Variants in PLEKHH2 observed in about 807,000 individuals in gnomAD.
The protein encoded by PLEKHH2 is pleckstrin homology domain-containing family H member 2.
A neutral mutation model predicts 187.9 loss-of-function variants in PLEKHH2; 129 were observed. The observed-to-expected ratio is 0.69, with a 90% CI of 0.59 to 0.79. The LOEUF (loss-of-function observed/expected upper bound fraction) is 0.79, where lower values mean the gene tolerates loss of function less well. Ranked by LOEUF, PLEKHH2 falls within the 30% of genes least tolerant of loss-of-function variation. PLEKHH2 has a pLI of 0.00. For synonymous variants in PLEKHH2, 686 were observed against 605.6 expected, an observed-to-expected ratio of 1.13 and a Z score of -1.95; for missense variants, 2,076 against 1,751.2, an observed-to-expected ratio of 1.19 and a Z score of -3.31.
intron 15 of PLEKHH2, among the ~76,000 whole-genome samples, chr2:43,713,424 A>C (rs1229536638): frequency 6.6e-6 from 1 of 152,184 alleles, no homozygotes; most frequent in Non-Finnish European, 1.5e-5. Context: ...ATGTAGGGTA[A>C]GGTATAGCTT....
chr2:43,705,162 C>G (rs2104501691), intron 9 of PLEKHH2, among the ~76,000 whole-genome samples: 1 of 152,174 alleles, frequency 6.6e-6, no homozygotes, highest in Non-Finnish European at 1.5e-5. Context: ...TCCTCCCTAT[C>G]CCACCACTAA....
chr2:43,724,416 A>T (rs1364532562), intron 16 of PLEKHH2, among the ~76,000 whole-genome samples: 1 of 152,236 alleles, frequency 6.6e-6, no homozygotes, highest in Non-Finnish European at 1.5e-5. Flanking sequence ...AGAAGTTATA[A>T]ATCTGATGCA....
At chr2:43,718,889 T>G (rs1481320091) in intron 15 of PLEKHH2, among the ~76,000 whole-genome samples, 4 of 152,202 alleles carry the variant, frequency 2.6e-5, no homozygotes, top group Non-Finnish European at 5.9e-5. Context: ...TCAAACAGCA[T>G]TCTAAATCCA....
intron 2 of PLEKHH2, among the ~76,000 whole-genome samples, chr2:43,648,292 G>A (rs571792666): frequency 1.3e-5 from 2 of 152,050 alleles, no homozygotes; most frequent in East Asian, 3.9e-4. Context: ...AGGTTCAAGC[G>A]ATTCTTCTGC....
In PLEKHH2 at chr2:43,711,327, G is replaced by A. The variant is rs897404520; in HGVS notation, c.2301+752G>A. On this transcript the variant is annotated intron_variant, in intron 14 of 29. Transcript: ENST00000282406. ...TCAAAAATTTAGAAAGGAGAATCAA[G>A]GAAAGCTTTGTCTTTGGGCATGGCA... 1.8e-5 allele frequency: 18 copies of A among 985,382 alleles called. No homozygotes were observed. The South Asian group carries it at 7.5e-4, about 41-fold the overall frequency. The allele number at this position is 985,382 out of a possible 1,614,324, so 61.0% of individuals were successfully genotyped here. A position where few individuals can be genotyped will look rare whatever the true frequency, so the allele number is the denominator to read the frequency against.
At chr2:43,672,177 CATA>C (rs1667526492) in intron 2 of PLEKHH2, among the ~76,000 whole-genome samples, 1 of 152,134 alleles carries the variant, frequency 6.6e-6, no homozygotes, top group South Asian at 2.1e-4. Context: ...TGAAGTATTT[CATA>C]ATATTGTTAT....
chr2:43,713,617 A>G (rs1670070607), intron 15 of PLEKHH2, among the ~76,000 whole-genome samples: 1 of 150,590 alleles, frequency 6.6e-6, no homozygotes, highest in Admixed American at 6.6e-5. Flanking sequence ...ATACCAAAGT[A>G]TATTGGTTAT....
chr2:43,721,088 G>A (rs541939587), intron 16 of PLEKHH2, among the ~76,000 whole-genome samples: 2 of 152,184 alleles, frequency 1.3e-5, no homozygotes, highest in African/African-American at 4.8e-5. Context: ...CAGCAAGTTA[G>A]GAAAGAAAAC....
In PLEKHH2 at chr2:43,692,757, G is replaced by A. The variant is rs1572565859; in HGVS notation, c.336+94G>A. 1.9e-5 allele frequency: 26 copies of A among 1,354,652 alleles called. No individual in the cohort carries two copies. In the East Asian group the frequency reaches 5.9e-4, roughly 31 times the overall value. 83.9% of individuals were successfully genotyped at this position (1,354,652 alleles called of 1,614,324 possible). A position where few individuals can be genotyped will look rare whatever the true frequency, so the allele number is the denominator to read the frequency against. ...AGAGAGAGCCTAAATTTCTATATTTGGGGAGAAATATTGCTTATTCGGTCA... is the reference window on the plus strand; with the variant it reads ...AGAGAGAGCCTAAATTTCTATATTTAGGGAGAAATATTGCTTATTCGGTCA... On this transcript the variant is annotated intron_variant, in intron 4 of 29. Transcript: ENST00000282406.
At chr2:43,746,095 C>T (rs1470861215) in intron 24 of PLEKHH2, 132 bp downstream of exon 24, 3 of 530,392 alleles carry the variant, frequency 5.7e-6, no homozygotes, top group Middle Eastern at 3.4e-4. Context: ...TAAATGATAA[C>T]TCTGTTTCTA....
At chr2:43,646,836 CTG>C (rs1416732932) in intron 2 of PLEKHH2, among the ~76,000 whole-genome samples, 4 of 126,852 alleles carry the variant, frequency 3.2e-5, no homozygotes, top group Non-Finnish European at 6.7e-5. Context: ...TTTTTTTGGT[CTG>C]TATTTCGTAT....
At chr2:43,726,508 T>C in intron 17 of PLEKHH2, 57 bp downstream of exon 17, 1 of 1,434,846 alleles carries the variant, frequency 7.0e-7, no homozygotes, top group Non-Finnish European at 9.6e-7. Flanking sequence ...TATTCAGATA[T>C]TGGTAATAAT....
intron 14 of PLEKHH2, chr2:43,711,958 C>G: frequency 8.9e-7 from 1 of 1,126,084 alleles, no homozygotes; most frequent in Non-Finnish European, 1.1e-6. Context: ...GAAAATGTGA[C>G]AAATAAACAA....
intron 28 of PLEKHH2, among the ~76,000 whole-genome samples, chr2:43,763,046 C>A: frequency 6.6e-6 from 1 of 152,104 alleles, no homozygotes; most frequent in East Asian, 1.9e-4. Context: ...CCAAACTATT[C>A]TTTTGTGTTA....
Position 43,700,612 on chromosome 2 carries a change from A to G in PLEKHH2, c.1650+4A>G, listed in dbSNP as rs1166440951. Reference sequence around the variant, plus strand: ...CCTGCACCGTTTTCCTTCTTGGGTAATTATATCACCGCATGTAACACATAC... The same window carrying G: ...CCTGCACCGTTTTCCTTCTTGGGTAGTTATATCACCGCATGTAACACATAC... On this transcript the variant is annotated splice_donor_region_variant and intron_variant, in intron 8 of 29. Coordinates refer to ENST00000282406, the MANE Select transcript of PLEKHH2 (RefSeq NM_172069.4). The G allele has an allele frequency of 6.2e-7, 1 of 1,601,330 alleles. No homozygotes were observed. Among genetic ancestry groups the G allele is most frequent in the African/African-American group, 1.3e-5 (1 of 74,650 alleles).
At position 43,729,677 on chromosome 2, in the gene PLEKHH2, A is replaced by G. The variant is rs965053064; in HGVS notation, c.2762A>G (p.Asn921Ser). Residue 921 changes from asparagine to serine, a missense_variant, in exon 18 of 30, where the codon AAC becomes AGC. By Grantham distance (46) the Asn-to-Ser change is conservative. Coordinates refer to ENST00000282406, the MANE Select transcript of PLEKHH2 (RefSeq NM_172069.4). ...LYHLTVAAGS[N>S]NVNVGSEFEQ... ...CATCTGACTGTTGCAGCTGGAAGCA[A>G]CAATGTAAACGTTGGATCTGAATTT... 15 of 1,609,542 alleles carry G rather than the reference A, an allele frequency of 9.3e-6. No individual in the cohort carries two copies. Among genetic ancestry groups the G allele is most frequent in the African/African-American group, 1.3e-5 (1 of 74,732 alleles).
rs914963966 is a variant in PLEKHH2 at position 43,678,675 on chromosome 2, G to C, written c.124-188G>C. Among the ~76,000 whole-genome samples the C allele has an allele frequency of 3.9e-5, 6 of 151,910 alleles. No homozygotes were observed. The South Asian group carries it at 8.3e-4, about 21-fold the overall frequency. On this transcript the variant is annotated intron_variant, in intron 2 of 29. Transcript: ENST00000282406. ...GATGGCAGCAGTACAGTCCAGCTTC[G>C]GCTCGGCATCAGAGGGAGACCATGG...
chr2:43,693,451 A>G (rs541817352), intron 4 of PLEKHH2, among the ~76,000 whole-genome samples: 61 of 152,314 alleles, frequency 4.0e-4, no homozygotes, highest in African/African-American at 1.4e-3. Flanking sequence ...AGTTTAAAAA[A>G]TGTATTAGTC....
chr2:43,701,083 T>A (rs1669339287), intron 8 of PLEKHH2, among the ~76,000 whole-genome samples: 2 of 152,122 alleles, frequency 1.3e-5, no homozygotes, highest in African/African-American at 2.4e-5. Context: ...GAGATCAAGG[T>A]ATTACCTTAT....
Sources: gnomAD v4.1 joint callset for allele counts (sites outside exome capture counted in the v4.1 genomes callset) on GRCh38, gnomAD v4.1.1 for gene constraint, MANE v1.5 for transcripts, NCBI Gene and HGNC (gene_info 2026-07-23, HGNC 2026-07-21) for gene names.